CNTN1: variants seen among roughly 807,000 people sequenced by gnomAD.
The protein encoded by CNTN1 is contactin 1.
CNTN1 carries 38 observed loss-of-function variants against 126.4 expected under a neutral mutation model. The ratio of observed to expected loss-of-function variants is 0.30; its 90% confidence interval spans 0.23 to 0.39. The LOEUF is 0.39. CNTN1 is among the 10% of genes least tolerant of loss of function. CNTN1 has a pLI of 1.00. For synonymous variants in CNTN1, 413 were observed against 422.6 expected (o/e 0.98, Z 0.28); for missense variants, 1,009 against 1,248.4 (o/e 0.81, Z 2.89).
At chr12:41,008,243 T>C (rs1948552810) in intron 17 of CNTN1, among the ~76,000 whole-genome samples, 1 of 152,136 alleles carries the variant, frequency 6.6e-6, no homozygotes, top group African/African-American at 2.4e-5. Context: ...TGAATGTTAG[T>C]TCGAATATGA....
chr12:40,755,431 GA>G (rs2136405502), intron 1 of CNTN1, among the ~76,000 whole-genome samples: 1 of 3,808 alleles, frequency 2.6e-4, no homozygotes, highest in East Asian at 0.5. Flanking sequence ...AGAAGAAAAA[GA>G]GCTGGGCAAG....
intron 14 of CNTN1, among the ~76,000 whole-genome samples, chr12:40,954,254 AT>A (rs1946789481): frequency 6.6e-6 from 1 of 152,096 alleles, no homozygotes; most frequent in South Asian, 2.1e-4. Flanking sequence ...ATACATTTAT[AT>A]TATTGAATAT....
At position 40,718,206 on chromosome 12, in the gene CNTN1, G is replaced by C. The variant is rs143561176; in HGVS notation, c.-77+25614G>C. On this transcript the variant is annotated intron_variant, in intron 1 of 23. Transcript: ENST00000551295. ...TTGTTTTGAGACAGAATCTTGCTCTGTCGCCAGGCTGGAGTGCAATGGCGC... is the reference window on the plus strand; with the variant it reads ...TTGTTTTGAGACAGAATCTTGCTCTCTCGCCAGGCTGGAGTGCAATGGCGC... Among the ~76,000 whole-genome samples, 72 of 152,236 alleles carry C rather than the reference G, an allele frequency of 4.7e-4. 1 individual carries two copies. The highest frequency in any genetic ancestry group is 1.7e-3 in the African/African-American group (70 of 41,548).
intron 1 of CNTN1, among the ~76,000 whole-genome samples, chr12:40,874,371 T>C (rs1943601127): frequency 6.6e-6 from 1 of 152,154 alleles, no homozygotes. Context: ...CAACGAAATT[T>C]AAAGGATAGA....
intron 1 of CNTN1, among the ~76,000 whole-genome samples, chr12:40,788,395 T>C (rs1375015413): frequency 2.0e-5 from 3 of 152,098 alleles, no homozygotes; most frequent in Non-Finnish European, 4.4e-5. Context: ...CCTGATGCAG[T>C]AGCCAGGACA....
chr12:40,968,907 T>C (rs1391826715), intron 15 of CNTN1, among the ~76,000 whole-genome samples: 1 of 152,170 alleles, frequency 6.6e-6, no homozygotes, highest in East Asian at 1.9e-4. Flanking sequence ...TGTTGGTACA[T>C]GGTTTGTCAA....
At position 40,962,761 on chromosome 12, in the gene CNTN1, G is replaced by T. The variant is rs934724764; in HGVS notation, c.1804+3527G>T. ...TGCTTGAGGAAAAGAGGCCAGTAAA[G>T]TTGCATGCATTGTCTAATCCTCCAG... is the stretch of plus-strand genomic sequence containing the variant. On this transcript the variant is annotated intron_variant, in intron 15 of 23. Transcript: ENST00000551295. Among the ~76,000 whole-genome samples, 5 of 152,106 alleles carry T rather than the reference G, an allele frequency of 3.3e-5. 1 individual carries two copies. The South Asian group carries it at 1.0e-3, about 31-fold the overall frequency.
intron 1 of CNTN1, among the ~76,000 whole-genome samples, chr12:40,731,243 T>G (rs1942492247): frequency 6.6e-6 from 1 of 151,966 alleles, no homozygotes. Flanking sequence ...GAAATGGTGG[T>G]GGGAGGGATA....
intron 1 of CNTN1, among the ~76,000 whole-genome samples, chr12:40,805,016 T>C (rs1940793508): frequency 6.6e-6 from 1 of 152,034 alleles, no homozygotes; most frequent in African/African-American, 2.4e-5. Flanking sequence ...GACAAAAAAG[T>C]CTGACTTTTT....
chr12:40,922,567 A>G (rs1945483382), intron 5 of CNTN1, 139 bp downstream of exon 5: 1 of 768,558 alleles, frequency 1.3e-6, no homozygotes, highest in East Asian at 2.7e-5. Context: ...TAATTGTGTA[A>G]TGGAGACAAC....
At position 40,959,241 on chromosome 12, in the gene CNTN1, G is replaced by C. The variant is rs751956205; in HGVS notation, c.1804+7G>C. 3.7e-6 allele frequency: 6 copies of C among 1,612,014 alleles called. No homozygotes were observed. In the Admixed American group the frequency reaches 1.0e-4, roughly 27 times the overall value. ...GCTGACCTTGTAGTGAGAGGTAAGA[G>C]TTTCAACATTTTAAAATTACAAAAC... On this transcript the variant is annotated splice_region_variant and intron_variant, in intron 15 of 23. Transcript: ENST00000551295.
At chr12:40,908,218 T>C (rs564242860) in intron 1 of CNTN1, 139 bp from the exon 2 acceptor site, 2 of 546,362 alleles carry the variant, frequency 3.7e-6, no homozygotes, top group African/African-American at 1.9e-5. Flanking sequence ...TAAAGTCACA[T>C]AGGTTAATAA....
rs535777201 is a variant in CNTN1, at chr12:40,802,725, T to A, written c.-76-105632T>A. On this transcript the variant is annotated intron_variant, in intron 1 of 23. Coordinates refer to ENST00000551295, the MANE Select transcript of CNTN1 (RefSeq NM_001843.4). ...AAAAAGCAGTGGCATGGTGAAAGACTCTATGGTGAAGATTTCCCAGACACT... is the reference window on the plus strand; with the variant it reads ...AAAAAGCAGTGGCATGGTGAAAGACACTATGGTGAAGATTTCCCAGACACT... Among the ~76,000 whole-genome samples, 4 of 151,962 alleles carry A rather than the reference T, an allele frequency of 2.6e-5. No homozygotes were observed. In the South Asian group the frequency reaches 6.2e-4, roughly 24 times the overall value.
intron 1 of CNTN1, among the ~76,000 whole-genome samples, chr12:40,695,543 C>T (rs1230774776): frequency 2.0e-5 from 3 of 152,252 alleles, no homozygotes; most frequent in East Asian, 3.9e-4. Flanking sequence ...ACAAATTCTC[C>T]AATTTCCATC....
intron 23 of CNTN1, among the ~76,000 whole-genome samples, chr12:41,065,835 T>C (rs1592488523): frequency 6.6e-6 from 1 of 152,360 alleles, no homozygotes; most frequent in East Asian, 1.9e-4. Flanking sequence ...GTTGGCATTA[T>C]CCATGTCTGT....
chr12:40,713,503 C>T (rs529475592), intron 1 of CNTN1, among the ~76,000 whole-genome samples: 43 of 151,432 alleles, frequency 2.8e-4, no homozygotes, highest in African/African-American at 9.9e-4. Flanking sequence ...ATTTCTGTTT[C>T]TTTATGCTAA....
chr12:41,072,103 C>T lies in CNTN1; in HGVS notation c.*2068C>T, dbSNP rs2120364502. On this transcript the variant is annotated 3_prime_UTR_variant, in exon 24 of 24. Transcript: ENST00000551295. Reference sequence around the variant, plus strand: ...TCGTACACTGATAACTCAAGCTTTTCATTTTCTCATACAGTTGTACAGATT... The same window carrying T: ...TCGTACACTGATAACTCAAGCTTTTTATTTTCTCATACAGTTGTACAGATT... 1 of 152,300 alleles carries T rather than the reference C, an allele frequency of 6.6e-6. No homozygotes were observed. Among genetic ancestry groups the T allele is most frequent in the East Asian group, 1.9e-4 (1 of 5,186 alleles). The allele number at this position is 152,300 out of a possible 1,614,324, so 9.4% of individuals were successfully genotyped here. A position where few individuals can be genotyped will look rare whatever the true frequency, so the allele number is the denominator to read the frequency against.
intron 14 of CNTN1, among the ~76,000 whole-genome samples, chr12:40,946,544 C>T (rs937120646): frequency 1.3e-5 from 2 of 151,892 alleles, no homozygotes; most frequent in Non-Finnish European, 2.9e-5. Flanking sequence ...CCAATGATAC[C>T]CCAAGAGTTT....
chr12:40,936,967 T>A, intron 10 of CNTN1, 62 bp downstream of exon 10: 1 of 1,602,874 alleles, frequency 6.2e-7, no homozygotes, highest in East Asian at 2.2e-5. Flanking sequence ...TTCAGGGTAG[T>A]CCTGGGATAA....
Sources: gnomAD v4.1 joint callset for allele counts (sites outside exome capture counted in the v4.1 genomes callset) on GRCh38, gnomAD v4.1.1 for gene constraint, MANE v1.5 for transcripts, NCBI Gene and HGNC (gene_info 2026-07-23, HGNC 2026-07-21) for gene names.